The following BNC2 variants were observed in gnomAD, a reference collection of about 807,000 sequenced individuals.
The protein encoded by BNC2 is zinc finger protein basonuclin-2.
BNC2 carries 20 observed loss-of-function variants against 76.3 expected under a neutral mutation model. The observed-to-expected ratio is 0.26, with a 90% CI of 0.18 to 0.38. The LOEUF (loss-of-function observed/expected upper bound fraction) is 0.38, where lower values mean the gene tolerates loss of function less well. Among genes scored for constraint, BNC2 ranks in the 10% least tolerant of loss-of-function variants. BNC2 has a pLI of 1.00. For synonymous variants in BNC2, 582 were observed against 514.8 expected, an observed-to-expected ratio of 1.13 and a Z score of -1.77; for missense variants, 1,382 against 1,399.8, an observed-to-expected ratio of 0.99 and a Z score of 0.20.
At chr9:16,746,219 T>C (rs554485208) in intron 1 of BNC2, among the ~76,000 whole-genome samples, 1 of 152,292 alleles carries the variant, frequency 6.6e-6, no homozygotes, top group Non-Finnish European at 1.5e-5. Context: ...GATTTACTCT[T>C]TGCGACTTGT....
Position 16,674,904 on chromosome 9 carries a change from G to A in BNC2, c.330+52893C>T, listed in dbSNP as rs572634968. 9.1e-3 allele frequency among the ~76,000 whole-genome samples: 1,389 copies of A among 152,194 alleles called. 8 individuals carry two copies. Among genetic ancestry groups the A allele is most frequent in the Non-Finnish European group, 0.011 (745 of 67,994 alleles). On this transcript the variant is annotated intron_variant, in intron 3 of 6. Coordinates refer to ENST00000380672, the MANE Select transcript of BNC2 (RefSeq NM_017637.6). ...TTCAGTTGTCTATAATGGCAGTTTT[G>A]AAACAGATTATTAGATGGGAATATT...
chr9:16,789,688 G>A (rs1224129615), intron 1 of BNC2, among the ~76,000 whole-genome samples: 1 of 152,120 alleles, frequency 6.6e-6, no homozygotes, highest in Non-Finnish European at 1.5e-5. Flanking sequence ...TTCATTCACA[G>A]AAATGTATTA....
intron 1 of BNC2, among the ~76,000 whole-genome samples, chr9:16,746,185 G>A (rs747298852): frequency 1.4e-4 from 22 of 152,120 alleles, no homozygotes; most frequent in Non-Finnish European, 2.5e-4. Context: ...TCACCCAGGA[G>A]GTTGATAATC....
At chr9:16,578,181 C>A (rs1587193356) in intron 4 of BNC2, among the ~76,000 whole-genome samples, 1 of 152,010 alleles carries the variant, frequency 6.6e-6, no homozygotes. Flanking sequence ...ATCAAATACA[C>A]AAATCAAATA....
chr9:16,652,665 C>G (rs1165469981), intron 3 of BNC2, among the ~76,000 whole-genome samples: 6 of 152,128 alleles, frequency 3.9e-5, no homozygotes, highest in Non-Finnish European at 4.4e-5. Flanking sequence ...ACTTTTCTTC[C>G]CCATCAGTGT....
chr9:16,495,178 A>G (rs1396479867), intron 5 of BNC2, among the ~76,000 whole-genome samples: 2 of 152,204 alleles, frequency 1.3e-5, no homozygotes, highest in Non-Finnish European at 2.9e-5. Context: ...ATCAGCCTCT[A>G]TCTAAATTAT....
chr9:16,844,502 T>G (rs1229531142), intron 1 of BNC2, among the ~76,000 whole-genome samples: 2 of 145,692 alleles, frequency 1.4e-5, no homozygotes, highest in Non-Finnish European at 3.0e-5. Flanking sequence ...TCTTTTTTTT[T>G]TTTTTTTTTT....
At chr9:16,740,704 G>C (rs763776500) in intron 1 of BNC2, among the ~76,000 whole-genome samples, 4 of 151,982 alleles carry the variant, frequency 2.6e-5, no homozygotes, top group Non-Finnish European at 5.9e-5. Context: ...TTCACTACAG[G>C]GAAAAAAGAG....
intron 5 of BNC2, among the ~76,000 whole-genome samples, chr9:16,457,221 G>T (rs555107848): frequency 6.6e-6 from 1 of 152,048 alleles, no homozygotes; most frequent in Non-Finnish European, 1.5e-5. Flanking sequence ...TGGAACAAGG[G>T]GTGTCAATAG....
At chr9:16,822,905 G>C (rs1352542964) in intron 1 of BNC2, among the ~76,000 whole-genome samples, 1 of 152,082 alleles carries the variant, frequency 6.6e-6, no homozygotes, top group Non-Finnish European at 1.5e-5. Flanking sequence ...GAACTCAAAA[G>C]TTCATACTAT....
intron 1 of BNC2, among the ~76,000 whole-genome samples, chr9:16,823,171 T>A (rs1818379837): frequency 6.6e-6 from 1 of 152,198 alleles, no homozygotes; most frequent in Non-Finnish European, 1.5e-5. Flanking sequence ...GTAAATAGTT[T>A]ATTAAAAAAC....
At chr9:16,828,228 A>C (rs976556333) in intron 1 of BNC2, among the ~76,000 whole-genome samples, 4 of 151,602 alleles carry the variant, frequency 2.6e-5, no homozygotes, top group Admixed American at 6.6e-5. Flanking sequence ...AACTGTGCCC[A>C]AAAAAAAATC....
At chr9:16,825,615 GGGA>G (rs1004533338) in intron 1 of BNC2, among the ~76,000 whole-genome samples, 6 of 152,026 alleles carry the variant, frequency 3.9e-5, no homozygotes, top group Admixed American at 2.6e-4. Context: ...TTTCTTCCTG[GGGA>G]GGAGGAGGAG....
chr9:16,623,407 A>C (rs909008189), intron 3 of BNC2, among the ~76,000 whole-genome samples: 1 of 152,212 alleles, frequency 6.6e-6, no homozygotes, highest in Non-Finnish European at 1.5e-5. Context: ...CAAAAGGAAG[A>C]ACTTTCTAAA....
At chr9:16,595,504 G>A (rs1164885746) in intron 3 of BNC2, among the ~76,000 whole-genome samples, 1 of 152,054 alleles carries the variant, frequency 6.6e-6, no homozygotes, top group African/African-American at 2.4e-5. Flanking sequence ...AGTGGCTAGA[G>A]TCACTGGAAT....
At chr9:16,672,299 G>A (rs946427107) in intron 3 of BNC2, among the ~76,000 whole-genome samples, 4 of 152,048 alleles carry the variant, frequency 2.6e-5, no homozygotes, top group African/African-American at 7.2e-5. Flanking sequence ...AGATCCAGAC[G>A]GTCCTGGCTA....
chr9:16,704,693 A>ATTT lies in BNC2; in HGVS notation c.330+23103_330+23104insAAA, dbSNP rs1563907480. On this transcript the variant is annotated intron_variant, in intron 3 of 6. Coordinates refer to ENST00000380672, the MANE Select transcript of BNC2 (RefSeq NM_017637.6). ...TACAGAGAAATGGTTTTTTTTTTTA[A>ATTT]AAAAAAAAAAAAAAGCCAGTGAAAA... 664 of 148,982 alleles carry ATTT rather than the reference A, an allele frequency of 4.5e-3. 2 individuals are homozygous for ATTT. The highest frequency in any genetic ancestry group is 0.016 in the African/African-American group (629 of 40,192). The allele number at this position is 148,982 out of a possible 1,614,324, so 9.2% of individuals were successfully genotyped here.
At chr9:16,711,596 T>C (rs1260126909) in intron 3 of BNC2, among the ~76,000 whole-genome samples, 4 of 152,230 alleles carry the variant, frequency 2.6e-5, no homozygotes, top group African/African-American at 9.6e-5. Context: ...TTTCAAATAT[T>C]ATTCCATGTC....
chr9:16,696,795 A>G (rs192954023), intron 3 of BNC2, among the ~76,000 whole-genome samples: 88 of 152,338 alleles, frequency 5.8e-4, no homozygotes, highest in Non-Finnish European at 1.1e-3. Flanking sequence ...CCCGTAAGGC[A>G]AGTAGAGGCC....
Sources: gnomAD v4.1 joint callset for allele counts (sites outside exome capture counted in the v4.1 genomes callset) on GRCh38, gnomAD v4.1.1 for gene constraint, MANE v1.5 for transcripts, NCBI Gene and HGNC (gene_info 2026-07-23, HGNC 2026-07-21) for gene names.